Variants in DEFB118 observed in about 807,000 individuals in gnomAD.
DEFB118 encodes defensin beta 118.
A neutral mutation model predicts 2.8 loss-of-function variants in DEFB118; 3 were observed. That is an observed-to-expected ratio of 1.09 (90% CI 0.50 to 2.82). The LOEUF (loss-of-function observed/expected upper bound fraction) is 2.82. Ranked by LOEUF, DEFB118 falls within the 30% of genes most tolerant of loss-of-function variation. DEFB118 has a pLI of 0.04. For synonymous variants in DEFB118, 63 were observed against 53.5 expected (o/e 1.18, Z -0.78); for missense variants, 159 against 144.6 (o/e 1.10, Z -0.51).
chr20:31,369,725 G>A (rs1467148215), intron 1 of DEFB118, among the ~76,000 whole-genome samples: 1 of 152,016 alleles, frequency 6.6e-6, no homozygotes, highest in Non-Finnish European at 1.5e-5. Context: ...TTATTTTGTG[G>A]CCATCTTTCC....
intron 1 of DEFB118, among the ~76,000 whole-genome samples, 195 bp downstream of exon 1, chr20:31,368,903 G>C (rs1268336993): frequency 6.6e-6 from 1 of 152,184 alleles, no homozygotes; most frequent in Non-Finnish European, 1.5e-5. Flanking sequence ...ACCATCCAGA[G>C]TTGTCCTTGG....
Position 31,373,256 on chromosome 20 carries a change from C to T in DEFB118, c.*86C>T. 3.5e-6 allele frequency: 4 copies of T among 1,158,562 alleles called. No homozygotes were observed. The highest frequency in any genetic ancestry group is 4.9e-6 in the Non-Finnish European group (4 of 822,516). 71.8% of individuals were successfully genotyped at this position (1,158,562 alleles called of 1,614,324 possible). On this transcript the variant is annotated 3_prime_UTR_variant, in exon 2 of 2. Transcript: ENST00000253381. ...AAAGCACTGAAAACACCACAGTGAC[C>T]CTCCCACCCCCCACCAATATGTAAT...
intron 1 of DEFB118, among the ~76,000 whole-genome samples, chr20:31,370,012 T>A (rs1986187005): frequency 1.3e-5 from 2 of 152,150 alleles, no homozygotes; most frequent in Non-Finnish European, 2.9e-5. Flanking sequence ...AATTCCTCTA[T>A]TCCTCTGCCC....
At chr20:31,372,105 G>A (rs1003361641) in intron 1 of DEFB118, among the ~76,000 whole-genome samples, 1 of 152,126 alleles carries the variant, frequency 6.6e-6, no homozygotes, top group African/African-American at 2.4e-5. Context: ...TAGGCACTTA[G>A]GTTGATTCCA....
At chr20:31,369,728 A>G (rs981080935) in intron 1 of DEFB118, among the ~76,000 whole-genome samples, 4 of 152,140 alleles carry the variant, frequency 2.6e-5, no homozygotes, top group Admixed American at 6.5e-5. Context: ...TTTTGTGGCC[A>G]TCTTTCCATG....
chr20:31,368,771 C>G, intron 1 of DEFB118, 63 bp downstream of exon 1: 1 of 1,494,004 alleles, frequency 6.7e-7, no homozygotes, highest in African/African-American at 1.4e-5. Context: ...CATGAAAATT[C>G]CAATGTGTCA....
Position 31,368,705 on chromosome 20 carries a change from C to T in DEFB118, c.55C>T (p.Pro19Ser). ...PMLVLLPQVI[P>S]AYSGEKKCWN... ...GCTTGTGCTCCTACCCCAAGTGATCCCAGGTAATCAGAGGTCAGGGAAGAT... is the reference window on the plus strand; with the variant it reads ...GCTTGTGCTCCTACCCCAAGTGATCTCAGGTAATCAGAGGTCAGGGAAGAT... Residue 19 changes from proline to serine, a missense_variant, in exon 1 of 2, where the codon CCA becomes TCA. Coordinates refer to ENST00000253381, the MANE Select transcript of DEFB118 (RefSeq NM_054112.3). 6.2e-7 allele frequency: 1 copy of T among 1,613,384 alleles called. No homozygotes were observed. Among genetic ancestry groups the T allele is most frequent in the Non-Finnish European group, 8.5e-7 (1 of 1,179,518 alleles).
intron 1 of DEFB118, among the ~76,000 whole-genome samples, chr20:31,369,983 A>T (rs1227283179): frequency 1.3e-5 from 2 of 152,178 alleles, no homozygotes; most frequent in Non-Finnish European, 2.9e-5. Flanking sequence ...GAAAATTAAA[A>T]ATATATATTT....
intron 1 of DEFB118, among the ~76,000 whole-genome samples, chr20:31,372,372 A>G (rs1986224366): frequency 6.6e-6 from 1 of 152,156 alleles, no homozygotes; most frequent in African/African-American, 2.4e-5. Context: ...CAACATGATG[A>G]AACCCCATCT....
chr20:31,373,067 C>T lies in DEFB118; in HGVS notation c.269C>T (p.Thr90Met), dbSNP rs143344094. The change falls in exon 2 of 2, where the codon ACG becomes ATG. Residue 90 changes from threonine to methionine, a missense_variant. Physicochemically the swap from Thr to Met is moderately conservative, Grantham distance 81. Coordinates refer to ENST00000253381, the MANE Select transcript of DEFB118 (RefSeq NM_054112.3). The stretch of plus-strand genomic sequence containing the variant: ...GATGATATTTTAACAGTAAGGTTCA[C>T]GACAGACTACTTTGAAGTAAGCAGC... Reference protein sequence around the residue: ...IIDDILTVRFTTDYFEVSSKK... With the variant: ...IIDDILTVRFMTDYFEVSSKK... The T allele has an allele frequency of 3.2e-4, 512 of 1,614,142 alleles. No homozygotes were observed. Among genetic ancestry groups the T allele is most frequent in the South Asian group, 1.8e-3 (161 of 91,084 alleles).
rs1986157814 is a variant in DEFB118 at position 31,368,665 on chromosome 20, G to A, written c.15G>A (p.Leu5=). 1 of 1,613,660 alleles carries A rather than the reference G, an allele frequency of 6.2e-7. No individual in the cohort carries two copies. Among genetic ancestry groups the A allele is most frequent in the Non-Finnish European group, 8.5e-7 (1 of 1,179,762 alleles). The change falls in exon 1 of 2, where the codon CTG becomes CTA. Residue 5 remains leucine, a synonymous_variant. Transcript: ENST00000253381. ...TCCCAAGGACCATGAAACTCCTGCT[G>A]CTGGCTCTTCCTATGCTTGTGCTCC... is the stretch of plus-strand genomic sequence containing the variant. The part of the protein sequence containing the change: MKLL[L]LALPMLVLLP...
In DEFB118 at chr20:31,373,233, A is replaced by G; in HGVS notation, c.*63A>G. 6.7e-7 allele frequency: 1 copy of G among 1,485,636 alleles called. No individual in the cohort carries two copies. The highest frequency in any genetic ancestry group is 9.2e-7 in the Non-Finnish European group (1 of 1,091,618). The allele number at this position is 1,485,636 out of a possible 1,614,324, so 92.0% of individuals were successfully genotyped here. On this transcript the variant is annotated 3_prime_UTR_variant, in exon 2 of 2. Coordinates refer to ENST00000253381, the MANE Select transcript of DEFB118 (RefSeq NM_054112.3). ...GATAAACTAAGTCACATACAGATAA[A>G]GCACTGAAAACACCACAGTGACCCT...
At chr20:31,371,468 T>C (rs768874283) in intron 1 of DEFB118, among the ~76,000 whole-genome samples, 1 of 151,738 alleles carries the variant, frequency 6.6e-6, no homozygotes, top group Non-Finnish European at 1.5e-5. Context: ...CTACTTTTTT[T>C]CTTTTTCTTT....
chr20:31,368,752 G>A, intron 1 of DEFB118, 44 bp downstream of exon 1: 1 of 1,583,544 alleles, frequency 6.3e-7, no homozygotes, highest in Non-Finnish European at 8.7e-7. Context: ...GGTATAGTGG[G>A]TTCTGGCTCA....
At chr20:31,369,450 C>T (rs950015140) in intron 1 of DEFB118, among the ~76,000 whole-genome samples, 11 of 130,756 alleles carry the variant, frequency 8.4e-5, no homozygotes, top group African/African-American at 2.5e-4. Flanking sequence ...AGTGCAGTGG[C>T]GCAATCTCAG....
chr20:31,370,524 C>T (rs559681162), intron 1 of DEFB118, among the ~76,000 whole-genome samples: 64 of 152,244 alleles, frequency 4.2e-4, no homozygotes, highest in African/African-American at 1.5e-3. Flanking sequence ...GAGCCATCCT[C>T]TTGGAGCAAA....
chr20:31,373,061 G>T lies in DEFB118; in HGVS notation c.263G>T (p.Arg88Met), dbSNP rs748567958. The T allele has an allele frequency of 2.5e-5, 41 of 1,614,032 alleles. No homozygotes were observed. The highest frequency in any genetic ancestry group is 3.5e-5 in the Non-Finnish European group (41 of 1,180,044). The change falls in exon 2 of 2, where the codon AGG becomes ATG. Residue 88 changes from arginine to methionine, a missense_variant. Physicochemically the swap from Arg to Met is moderately conservative, Grantham distance 91 (BLOSUM62 -1). Coordinates refer to ENST00000253381, the MANE Select transcript of DEFB118 (RefSeq NM_054112.3). ...PGIIDDILTV[R>M]FTTDYFEVSS... Reference sequence around the variant, plus strand: ...ATTATTGATGATATTTTAACAGTAAGGTTCACGACAGACTACTTTGAAGTA... The same window carrying T: ...ATTATTGATGATATTTTAACAGTAATGTTCACGACAGACTACTTTGAAGTA...
chr20:31,370,586 C>T (rs975332401), intron 1 of DEFB118, among the ~76,000 whole-genome samples: 5 of 152,102 alleles, frequency 3.3e-5, no homozygotes, highest in African/African-American at 1.2e-4. Flanking sequence ...TCTTAAAAAG[C>T]CCCTACATTT....
Position 31,372,330 on chromosome 20 carries a change from T to A in DEFB118, c.59-527T>A, listed in dbSNP as rs185717634. Among the ~76,000 whole-genome samples the A allele has an allele frequency of 2.4e-4, 36 of 152,116 alleles. No individual in the cohort carries two copies. In the East Asian group the frequency reaches 6.4e-3, roughly 27 times the overall value. On this transcript the variant is annotated intron_variant, in intron 1 of 1. Coordinates refer to ENST00000253381, the MANE Select transcript of DEFB118 (RefSeq NM_054112.3). ...ACTTTGGGAGGCCGAAGTGGGTGGA[T>A]CATGAGGTCAAGAGATCGAGACCAT... is the stretch of plus-strand genomic sequence containing the variant.
Sources: allele counts gnomAD v4.1 joint callset (sites outside exome capture counted in the v4.1 genomes callset), GRCh38; gene constraint gnomAD v4.1.1; transcripts MANE v1.5; gene names NCBI Gene and HGNC (gene_info 2026-07-23, HGNC 2026-07-21).